ALK: variants seen among roughly 807,000 people sequenced by gnomAD.
ALK encodes the protein ALK tyrosine kinase receptor.
ALK carries 74 observed loss-of-function variants against 163.1 expected under a neutral mutation model. That is an observed-to-expected ratio of 0.45 (90% CI 0.38 to 0.55). The LOEUF (loss-of-function observed/expected upper bound fraction) is 0.55, where lower values mean the gene tolerates loss of function less well. Ranked by LOEUF, ALK falls within the 20% of genes least tolerant of loss-of-function variation. The probability of loss-of-function intolerance (pLI) is 0.00; values close to 1 mark genes in which losing one functional copy is unlikely to be tolerated. For synonymous variants in ALK, 960 were observed against 843.2 expected (o/e 1.14, Z -2.40); for missense variants, 2,063 against 2,105.3 (o/e 0.98, Z 0.39).
At chr2:29,660,673 G>A (rs1259869269) in intron 3 of ALK, among the ~76,000 whole-genome samples, 2 of 90,954 alleles carry the variant, frequency 2.2e-5, no homozygotes, top group East Asian at 4.3e-4. Context: ...CCAGGGAGAG[G>A]GGAGAAAGGG....
chr2:29,792,509 A>T (rs749604480), intron 1 of ALK, among the ~76,000 whole-genome samples: 3 of 152,220 alleles, frequency 2.0e-5, no homozygotes, highest in Non-Finnish European at 4.4e-5. Flanking sequence ...ATCCATAACA[A>T]AACTCAATGG....
intron 8 of ALK, among the ~76,000 whole-genome samples, chr2:29,305,466 CAT>C (rs967606683): frequency 2.0e-5 from 3 of 152,322 alleles, no homozygotes; most frequent in Admixed American, 1.3e-4. Context: ...TTGTTGATCA[CAT>C]GTGTCTAACA....
intron 2 of ALK, among the ~76,000 whole-genome samples, chr2:29,709,258 C>A (rs1018490057): frequency 2.0e-5 from 3 of 152,216 alleles, no homozygotes; most frequent in Non-Finnish European, 4.4e-5. Context: ...AGCTCAGGAA[C>A]TGGTCTCCCC....
At chr2:29,205,894 C>T (rs1669297353) in intron 26 of ALK, among the ~76,000 whole-genome samples, 1 of 152,204 alleles carries the variant, frequency 6.6e-6, no homozygotes, top group Non-Finnish European at 1.5e-5. Context: ...TGCACCTGTG[C>T]CCCACTTGGC....
intron 1 of ALK, among the ~76,000 whole-genome samples, chr2:29,813,751 C>A (rs1203817656): frequency 1.3e-5 from 2 of 152,190 alleles, no homozygotes; most frequent in Admixed American, 1.3e-4. Context: ...CATCTAAACT[C>A]AGTCTGTTCT....
chr2:29,565,433 G>C (rs1674151113), intron 3 of ALK, among the ~76,000 whole-genome samples: 1 of 152,168 alleles, frequency 6.6e-6, no homozygotes, highest in African/African-American at 2.4e-5. Flanking sequence ...GTTATTGAGG[G>C]GAGGCCGGTG....
chr2:29,714,377 C>T (rs955456303), intron 2 of ALK, among the ~76,000 whole-genome samples: 6 of 152,104 alleles, frequency 3.9e-5, no homozygotes, highest in Non-Finnish European at 8.8e-5. Context: ...TATGGGGAGC[C>T]TTCAAAAAGG....
intron 5 of ALK, among the ~76,000 whole-genome samples, chr2:29,354,935 T>C (rs1052074215): frequency 6.6e-6 from 1 of 151,988 alleles, no homozygotes; most frequent in Admixed American, 6.6e-5. Context: ...CCTGGCTAAT[T>C]TTTTGTATTT....
At chr2:29,910,071 A>G (rs1667662350) in intron 1 of ALK, among the ~76,000 whole-genome samples, 1 of 152,106 alleles carries the variant, frequency 6.6e-6, no homozygotes, top group South Asian at 2.1e-4. Context: ...ATAAGTAGAC[A>G]TAGAAATGAT....
intron 13 of ALK, 56 bp from the exon 14 acceptor site, chr2:29,233,752 C>T (rs2148184702): frequency 6.2e-7 from 1 of 1,611,852 alleles, no homozygotes; most frequent in Non-Finnish European, 8.5e-7. Flanking sequence ...CTCCACTTTG[C>T]AGCAGACAGA....
At chr2:29,247,117 C>T (rs1408792320) in intron 12 of ALK, among the ~76,000 whole-genome samples, 14 of 152,010 alleles carry the variant, frequency 9.2e-5, no homozygotes, top group Non-Finnish European at 5.9e-5. Context: ...CAGCGCCTTT[C>T]CCCCGGCCTC....
chr2:29,321,458 T>C (rs116420346), intron 6 of ALK, among the ~76,000 whole-genome samples: 1,597 of 152,292 alleles, frequency 0.01, 9 homozygotes, highest in Middle Eastern at 0.017. Flanking sequence ...TGCTTTCCTT[T>C]CTCTCCCAAC....
At chr2:29,446,283 C>G (rs545468852) in intron 4 of ALK, among the ~76,000 whole-genome samples, 1 of 152,136 alleles carries the variant, frequency 6.6e-6, no homozygotes, top group South Asian at 2.1e-4. Flanking sequence ...GTCCATGAGG[C>G]CTGGATTTGG....
intron 1 of ALK, among the ~76,000 whole-genome samples, chr2:29,910,636 CA>C (rs1398963402): frequency 2.0e-5 from 3 of 152,110 alleles, no homozygotes; most frequent in Admixed American, 6.5e-5. Context: ...AGGTAAAGAG[CA>C]TCTCTGACTC....
intron 6 of ALK, among the ~76,000 whole-genome samples, chr2:29,325,784 C>T (rs1160725291): frequency 6.6e-6 from 1 of 152,182 alleles, no homozygotes; most frequent in East Asian, 1.9e-4. Context: ...TAGCATCACA[C>T]AGGATGTTGT....
intron 2 of ALK, among the ~76,000 whole-genome samples, chr2:29,711,548 A>T (rs1450412029): frequency 6.6e-6 from 1 of 151,382 alleles, no homozygotes; most frequent in Non-Finnish European, 1.5e-5. Flanking sequence ...TACACTCGGC[A>T]CTCCACGACT....
At chr2:29,519,809 C>T (rs918389183) in intron 4 of ALK, among the ~76,000 whole-genome samples, 1 of 152,154 alleles carries the variant, frequency 6.6e-6, no homozygotes, top group Non-Finnish European at 1.5e-5. Flanking sequence ...GGTGAACATC[C>T]AGCAGACTGC....
intron 1 of ALK, among the ~76,000 whole-genome samples, chr2:29,860,076 A>T (rs762727281): frequency 6.6e-5 from 10 of 152,172 alleles, no homozygotes; most frequent in Non-Finnish European, 1.0e-4. Context: ...GGGTAGGGTT[A>T]AGCAACATTG....
rs755251074 is a variant in ALK, at chr2:29,226,927, C to G, written c.3062G>C (p.Cys1021Ser). 6.2e-7 allele frequency: 1 copy of G among 1,614,194 alleles called. No homozygotes were observed. Among genetic ancestry groups the G allele is most frequent in the East Asian group, 2.2e-5 (1 of 44,886 alleles). ...GTVLAEDGVSCIVSPTPEPHL... is the reference protein window; with the variant it reads ...GTVLAEDGVSSIVSPTPEPHL... ...CCCTGGCCCTGCCCCCTTACCAATG[C>G]AGGAGACGCCATCCTCAGCCAGCAC... is the stretch of plus-strand genomic sequence containing the variant. Residue 1021 changes from cysteine (C) to serine (S), a missense_variant, in exon 18 of 29, where the codon TGC becomes TCC. Cys to Ser is a moderately radical substitution (Grantham distance 112). Transcript: ENST00000389048.
Sources: allele counts gnomAD v4.1 joint callset (sites outside exome capture counted in the v4.1 genomes callset), GRCh38; gene constraint gnomAD v4.1.1; transcripts MANE v1.5; gene names NCBI Gene and HGNC (gene_info 2026-07-23, HGNC 2026-07-21).